The following SLC25A26 variants were observed in gnomAD, a reference collection of about 807,000 sequenced individuals.
SLC25A26 encodes the protein solute carrier family 25 member 26.
A neutral mutation model predicts 37.8 loss-of-function variants in SLC25A26; 36 were observed. The ratio of observed to expected loss-of-function variants is 0.95; its 90% CI spans 0.73 to 1.26. SLC25A26 has a LOEUF of 1.26. SLC25A26 is among the 50% of genes most tolerant of loss of function. The pLI, the probability that SLC25A26 is intolerant of heterozygous loss-of-function variation, is 0.00. For missense variants in SLC25A26, 390 were observed against 331.1 expected, an observed-to-expected ratio of 1.18 and a Z score of -1.38; for synonymous variants, 129 against 122.5, an observed-to-expected ratio of 1.05 and a Z score of -0.35.
Position 66,262,106 on chromosome 3 carries a change from C to T in SLC25A26, c.356C>T (p.Ser119Phe). 1 of 1,587,656 alleles carries T rather than the reference C, an allele frequency of 6.3e-7. No homozygotes were observed. Among genetic ancestry groups the T allele is most frequent in the Non-Finnish European group, 8.6e-7 (1 of 1,165,976 alleles). Reference sequence around the variant, plus strand: ...GTGGTTAAGCAGAGGGCACAGGTATCTGCTTCTACAAGAACATTTCAGATT... The same window carrying T: ...GTGGTTAAGCAGAGGGCACAGGTATTTGCTTCTACAAGAACATTTCAGATT... The part of the protein sequence containing the change: ...SEVVKQRAQV[S>F]ASTRTFQIFS... The change falls in exon 4 of 10, where the codon TCT becomes TTT. Residue 119 changes from serine (S) to phenylalanine (F), a missense_variant. Transcript: ENST00000354883.
intron 1 of SLC25A26, among the ~76,000 whole-genome samples, chr3:66,136,640 T>C (rs998534367): frequency 1.6e-4 from 25 of 152,276 alleles, no homozygotes; most frequent in African/African-American, 5.5e-4. Context: ...ATTTGATTTA[T>C]ACATTCTTTC....
intron 5 of SLC25A26, among the ~76,000 whole-genome samples, chr3:66,283,147 A>G (rs1025835043): frequency 6.6e-6 from 1 of 152,138 alleles, no homozygotes; most frequent in Non-Finnish European, 1.5e-5. Context: ...TATTAAGAGA[A>G]TTCCTGTTAA....
chr3:66,361,065 A>C (rs928505312), intron 6 of SLC25A26, among the ~76,000 whole-genome samples: 1 of 152,238 alleles, frequency 6.6e-6, no homozygotes, highest in Non-Finnish European at 1.5e-5. Flanking sequence ...ATGAGAACAT[A>C]ATAGAGAGTT....
rs966700957 is a variant in SLC25A26, at chr3:66,346,373, T to A, written c.463T>A (p.Ser155Thr). ...TTTTTTCTCTCTTCAGATTCCTTTT[T>A]CTTTGGTCCAGTTTCCCTTATGGGA... is the stretch of plus-strand genomic sequence containing the variant. ...KSTVLREIPFSLVQFPLWESL... is the reference protein window; with the variant it reads ...KSTVLREIPFTLVQFPLWESL... Residue 155 changes from serine to threonine, a missense_variant, in exon 6 of 10, where the codon TCT (serine) becomes ACT (threonine). Coordinates refer to ENST00000354883, the MANE Select transcript of SLC25A26 (RefSeq NM_001379210.1). The A allele has an allele frequency of 2.0e-6, 3 of 1,495,642 alleles. No individual in the cohort carries two copies. The highest frequency in any genetic ancestry group is 1.4e-5 in the African/African-American group (1 of 69,932). 92.6% of individuals were successfully genotyped at this position (1,495,642 alleles called of 1,614,324 possible).
chr3:66,153,584 C>G (rs554164503), intron 1 of SLC25A26, among the ~76,000 whole-genome samples: 1 of 152,310 alleles, frequency 6.6e-6, no homozygotes, highest in South Asian at 2.1e-4. Context: ...CCGCAGAATG[C>G]GCAGAATTTC....
chr3:66,174,731 A>G (rs1346319222), intron 1 of SLC25A26, among the ~76,000 whole-genome samples: 1 of 151,650 alleles, frequency 6.6e-6, no homozygotes, highest in Admixed American at 6.6e-5. Flanking sequence ...GCTTGCAGTG[A>G]GCCGAGATCG....
chr3:66,292,433 T>C (rs1311309293), intron 5 of SLC25A26, among the ~76,000 whole-genome samples: 2 of 152,210 alleles, frequency 1.3e-5, no homozygotes, highest in Non-Finnish European at 2.9e-5. Flanking sequence ...CAGTGGCTGG[T>C]ACCAGTTGTT....
intron 5 of SLC25A26, among the ~76,000 whole-genome samples, chr3:66,280,917 C>T (rs1203590853): frequency 6.6e-6 from 1 of 152,116 alleles, no homozygotes; most frequent in Non-Finnish European, 1.5e-5. Flanking sequence ...CATTATCACA[C>T]CCAAGAAATT....
chr3:66,230,511 A>C (rs1173322861), intron 1 of SLC25A26, among the ~76,000 whole-genome samples: 2 of 152,074 alleles, frequency 1.3e-5, no homozygotes, highest in African/African-American at 4.8e-5. Context: ...AAGGATAAGA[A>C]GGGAATTTTA....
chr3:66,301,731 A>G (rs1234263789), intron 5 of SLC25A26, among the ~76,000 whole-genome samples: 2 of 152,198 alleles, frequency 1.3e-5, no homozygotes, highest in African/African-American at 2.4e-5. Context: ...CACATTTTAT[A>G]TGTAGTTACA....
chr3:66,293,071 A>T (rs1016783523), intron 5 of SLC25A26: 2 of 150,932 alleles, frequency 1.3e-5, no homozygotes, highest in Non-Finnish European at 2.9e-5. Context: ...CTTCTGCTTG[A>T]TCTATTTGGC....
chr3:66,150,881 T>C (rs919230941), intron 1 of SLC25A26, among the ~76,000 whole-genome samples: 1 of 151,772 alleles, frequency 6.6e-6, no homozygotes, highest in Non-Finnish European at 1.5e-5. Flanking sequence ...AGGCTGGTAG[T>C]GGGAACCCAG....
intron 1 of SLC25A26, among the ~76,000 whole-genome samples, chr3:66,175,140 T>TATATACATACAC (rs1413714739): frequency 1.5e-5 from 1 of 67,048 alleles, no homozygotes; most frequent in African/African-American, 6.4e-5. Context: ...TATATATATA[T>TATATACATACAC]ACACACACAC....
chr3:66,333,514 T>C (rs2076024795), intron 5 of SLC25A26, among the ~76,000 whole-genome samples: 1 of 152,196 alleles, frequency 6.6e-6, no homozygotes, highest in African/African-American at 2.4e-5. Context: ...TGTCCCTTAA[T>C]TTTTCCGACT....
chr3:66,277,130 A>G (rs182035247), intron 5 of SLC25A26, among the ~76,000 whole-genome samples: 1 of 152,206 alleles, frequency 6.6e-6, no homozygotes, highest in East Asian at 1.9e-4. Flanking sequence ...AAATTTAAAG[A>G]CACACAAAAA....
chr3:66,325,673 A>G (rs2075819229), intron 5 of SLC25A26, among the ~76,000 whole-genome samples: 1 of 152,178 alleles, frequency 6.6e-6, no homozygotes. Context: ...CAGAGGAATC[A>G]TATGTAAGAA....
At position 66,188,155 on chromosome 3, in the gene SLC25A26, C is replaced by G. The variant is rs1274480351; in HGVS notation, c.-353-32587C>G. ...ACCCTCAAATGTATCATGACCTCAC[C>G]ATGTCCTTGATCCCGTGCTTGACCT... On this transcript the variant is annotated intron_variant, in intron 1 of 10. Coordinates refer to the SLC25A26 transcript ENST00000676754. 4.6e-5 allele frequency among the ~76,000 whole-genome samples: 7 copies of G among 152,210 alleles called. 1 individual carries two copies. Among genetic ancestry groups the G allele is most frequent in the Admixed American group, 4.6e-4 (7 of 15,292 alleles).
chr3:66,291,441 G>A (rs1012171163), intron 5 of SLC25A26, among the ~76,000 whole-genome samples: 1 of 152,122 alleles, frequency 6.6e-6, no homozygotes, highest in African/African-American at 2.4e-5. Context: ...TTGGCATTTA[G>A]TGCTATAAAT....
intron 5 of SLC25A26, among the ~76,000 whole-genome samples, chr3:66,343,767 C>A (rs1468096457): frequency 6.6e-6 from 1 of 152,118 alleles, no homozygotes; most frequent in African/African-American, 2.4e-5. Flanking sequence ...ATCATACTGT[C>A]AGTCTTTTGG....
Sources: gnomAD v4.1 joint callset for allele counts (sites outside exome capture counted in the v4.1 genomes callset) on GRCh38, gnomAD v4.1.1 for gene constraint, MANE v1.5 for transcripts, NCBI Gene and HGNC (gene_info 2026-07-23, HGNC 2026-07-21) for gene names.